The following KCTD14 variants were observed in gnomAD, a reference collection of about 807,000 sequenced individuals.
KCTD14 encodes the protein potassium channel tetramerization domain containing 14.
In KCTD14, 7 loss-of-function variants were observed where a neutral mutation model predicts 5.9. The observed-to-expected ratio is 1.19, with a 90% CI of 0.68 to 2.23. KCTD14 has a LOEUF of 2.23. Ranked by LOEUF, KCTD14 falls within the 30% of genes most tolerant of loss-of-function variation. The probability of loss-of-function intolerance (pLI) is 0.00; values close to 1 mark genes in which losing one functional copy is unlikely to be tolerated. For synonymous variants in KCTD14, 140 were observed against 133.1 expected, an observed-to-expected ratio of 1.05 and a Z score of -0.36; for missense variants, 342 against 332.2, an observed-to-expected ratio of 1.03 and a Z score of -0.23.
intron 2 of KCTD14, among the ~76,000 whole-genome samples, chr11:78,031,640 G>A (rs375224706): frequency 3.9e-5 from 6 of 151,900 alleles, no homozygotes; most frequent in Non-Finnish European, 5.9e-5. Context: ...TGCCCACCTC[G>A]GCCTCTCAAA....
chr11:78,016,309 T>C lies in KCTD14; in HGVS notation c.*284A>G, dbSNP rs990082437. ...TCTCACATCTCTTGCCAACGCATTG[T>C]TGAAACATTCTTACTTGGTCTTGTT... On this transcript the variant is annotated 3_prime_UTR_variant, in exon 2 of 2. Coordinates refer to ENST00000353172, the MANE Select transcript of KCTD14 (RefSeq NM_023930.4). 2.2e-6 allele frequency: 1 copy of C among 459,708 alleles called. No homozygotes were observed. The highest frequency in any genetic ancestry group is 2.0e-5 in the African/African-American group (1 of 51,090). The allele number at this position is 459,708 out of a possible 1,614,324, so 28.5% of individuals were successfully genotyped here. A position where few individuals can be genotyped will look rare whatever the true frequency, so the allele number is the denominator to read the frequency against.
At chr11:78,022,095 T>A (rs374782781) in intron 1 of KCTD14, among the ~76,000 whole-genome samples, 5 of 152,126 alleles carry the variant, frequency 3.3e-5, no homozygotes, top group African/African-American at 1.2e-4. Context: ...TCCCTTGCAA[T>A]TCCCTGTTTC....
chr11:78,036,920 C>T (rs1857818735), intron 2 of KCTD14, among the ~76,000 whole-genome samples: 1 of 152,210 alleles, frequency 6.6e-6, no homozygotes, highest in Admixed American at 6.5e-5. Context: ...ATTGCCTGCC[C>T]AATGCCAGGC....
At chr11:78,041,749 G>A (rs533127448) in intron 1 of KCTD14, among the ~76,000 whole-genome samples, 2 of 152,214 alleles carry the variant, frequency 1.3e-5, no homozygotes, top group Non-Finnish European at 2.9e-5. Flanking sequence ...TCCGGATCTG[G>A]CAGGGTGTCC....
chr11:78,045,827 CCA>C lies in KCTD14; in HGVS notation c.-96+232_-96+233del, dbSNP rs1308667617. ...CGCCCGTCAAAGTGCTCCCAAAAGCCCAGAGTACTCAGGTCCTCCTCAGACGT... is the reference window on the plus strand; with the variant it reads ...CGCCCGTCAAAGTGCTCCCAAAAGCCGAGTACTCAGGTCCTCCTCAGACGT... On this transcript the variant is annotated intron_variant, in intron 1 of 2. Transcript: ENST00000533144. 5.3e-5 allele frequency among the ~76,000 whole-genome samples: 8 copies of C among 152,204 alleles called. No individual in the cohort carries two copies. In the South Asian group the frequency reaches 1.2e-3, roughly 24 times the overall value.
upstream of KCTD14, chr11:78,023,455 G>A (rs1857362739): frequency 8.7e-6 from 5 of 572,996 alleles, no homozygotes; most frequent in Non-Finnish European, 1.5e-5. Context: ...GAGAAATGGA[G>A]CAGACCCCTT....
At chr11:78,019,106 T>C (rs1857248050) in intron 1 of KCTD14, among the ~76,000 whole-genome samples, 2 of 151,300 alleles carry the variant, frequency 1.3e-5, no homozygotes, top group Non-Finnish European at 2.9e-5. Context: ...TCACTACAAC[T>C]TCAGCCTCCC....
At chr11:78,024,767 G>A (rs907378292), upstream of KCTD14, among the ~76,000 whole-genome samples, 8 of 151,540 alleles carry the variant, frequency 5.3e-5, no homozygotes, top group Middle Eastern at 3.2e-3. Context: ...CTAACATGGC[G>A]AAACCCCATC....
chr11:78,037,404 C>T (rs1056511293), intron 2 of KCTD14, among the ~76,000 whole-genome samples: 5 of 152,220 alleles, frequency 3.3e-5, no homozygotes, highest in African/African-American at 1.2e-4. Flanking sequence ...TCCAAGCTCC[C>T]AAGGGCCAGC....
intron 2 of KCTD14, among the ~76,000 whole-genome samples, chr11:78,032,936 G>A (rs539686851): frequency 8.6e-4 from 131 of 151,922 alleles, no homozygotes; most frequent in African/African-American, 2.9e-3. Flanking sequence ...CCCACCTTAG[G>A]CTCCCAAAGT....
upstream of KCTD14, chr11:78,023,360 G>A: frequency 1.0e-6 from 1 of 986,764 alleles, no homozygotes; most frequent in Non-Finnish European, 1.5e-6. Flanking sequence ...GTGAGACTGG[G>A]CCAAGTGCAG....
chr11:78,025,118 GTATATATATATATATATATATA>G (rs369374652), upstream of KCTD14, among the ~76,000 whole-genome samples: 70 of 44,486 alleles, frequency 1.6e-3, 3 homozygotes, highest in African/African-American at 4.7e-3. Context: ...GTGTGTGTGT[GTATATATATATATATATATATA>G]TATATATATA....
intron 2 of KCTD14, among the ~76,000 whole-genome samples, chr11:78,038,204 T>G (rs1160031686): frequency 1.3e-5 from 2 of 152,116 alleles, no homozygotes; most frequent in Non-Finnish European, 2.9e-5. Flanking sequence ...GCGTCCCAAG[T>G]CTTGGGACCT....
At chr11:78,022,955 G>A in intron 1 of KCTD14, 1 of 545,378 alleles carries the variant, frequency 1.8e-6, no homozygotes. Context: ...AAGGGACACC[G>A]AGGCGCGAAA....
intron 2 of KCTD14, among the ~76,000 whole-genome samples, chr11:78,035,646 C>T (rs973650649): frequency 2.0e-5 from 3 of 151,200 alleles, no homozygotes; most frequent in Non-Finnish European, 2.9e-5. Context: ...GAGTTCGAAA[C>T]CAGCTCAGCC....
intron 2 of KCTD14, among the ~76,000 whole-genome samples, chr11:78,030,847 T>C (rs1403720255): frequency 6.6e-6 from 1 of 151,990 alleles, no homozygotes; most frequent in Non-Finnish European, 1.5e-5. Context: ...CAAGGCTCCC[T>C]CTGTGAGTCC....
upstream of KCTD14, among the ~76,000 whole-genome samples, chr11:78,027,712 G>A (rs1857504895): frequency 6.6e-6 from 1 of 152,050 alleles, no homozygotes. Context: ...AGGATTTTCT[G>A]CTTGCCAATG....
intron 1 of KCTD14, among the ~76,000 whole-genome samples, chr11:78,045,554 A>AG (rs1266466233): frequency 8.5e-5 from 13 of 152,282 alleles, no homozygotes; most frequent in African/African-American, 2.4e-4. Context: ...TGAGTTTTGG[A>AG]GAAGGGCTGC....
chr11:78,029,663 T>G (rs544869977), intron 2 of KCTD14, among the ~76,000 whole-genome samples: 1 of 152,362 alleles, frequency 6.6e-6, no homozygotes, highest in South Asian at 2.1e-4. Flanking sequence ...TAAACTTTAG[T>G]CTTATGGTTG....
Sources: gnomAD v4.1 joint callset for allele counts (sites outside exome capture counted in the v4.1 genomes callset) on GRCh38, gnomAD v4.1.1 for gene constraint, MANE v1.5 for transcripts, NCBI Gene and HGNC (gene_info 2026-07-23, HGNC 2026-07-21) for gene names.